Variants in DNAH6 observed in about 807,000 individuals in gnomAD.
DNAH6 encodes dynein axonemal heavy chain 6.
In DNAH6, 340 loss-of-function variants were observed where a neutral mutation model predicts 491.4. The ratio of observed to expected loss-of-function variants is 0.69; its 90% CI spans 0.63 to 0.76. DNAH6 has a LOEUF of 0.76. Among genes scored for constraint, DNAH6 ranks in the 30% least tolerant of loss-of-function variants. The probability of loss-of-function intolerance (pLI) is 0.00; values close to 1 mark genes in which losing one functional copy is unlikely to be tolerated. For missense variants in DNAH6, 4,443 were observed against 4,972.2 expected, an observed-to-expected ratio of 0.89 and a Z score of 3.20; for synonymous variants, 1,603 against 1,686.1, an observed-to-expected ratio of 0.95 and a Z score of 1.21.
At chr2:84,688,633 T>A in intron 45 of DNAH6, 40 bp downstream of exon 45, 1 of 1,461,598 alleles carries the variant, frequency 6.8e-7, no homozygotes, top group Non-Finnish European at 9.1e-7. Context: ...ATTGATTTAA[T>A]ATTTTTTGTA....
At chr2:84,480,254 T>A in the DNAH6 span, among the ~76,000 whole-genome samples, 1 of 152,228 alleles carries the variant, frequency 6.6e-6, no homozygotes, top group African/African-American at 2.4e-5. Flanking sequence ...AAAGAAAGAA[T>A]AATCAGTAGG....
chr2:84,528,259 T>G (rs998470554), intron 3 of DNAH6, among the ~76,000 whole-genome samples: 3 of 152,170 alleles, frequency 2.0e-5, no homozygotes, highest in Non-Finnish European at 2.9e-5. Flanking sequence ...AATCTCAGGT[T>G]CCACCCTAGC....
intron 54 of DNAH6, 93 bp downstream of exon 54, chr2:84,707,809 C>A: frequency 2.2e-6 from 2 of 914,708 alleles, no homozygotes; most frequent in South Asian, 1.7e-5. Flanking sequence ...TGGAGGCTCT[C>A]CACTGTAGAG....
intron 43 of DNAH6, 109 bp downstream of exon 43, chr2:84,685,581 G>A (rs970631656): frequency 5.3e-6 from 3 of 568,608 alleles, no homozygotes; most frequent in Admixed American, 3.9e-5. Context: ...ATGAGTAAAA[G>A]TTATTTTCTT....
At chr2:84,709,611 A>G in intron 55 of DNAH6, 65 bp downstream of exon 55, 1 of 1,515,818 alleles carries the variant, frequency 6.6e-7, no homozygotes, top group Non-Finnish European at 8.9e-7. Context: ...GCTATTAAAA[A>G]TTATAAAAGT....
chr2:84,801,526 A>G (rs1372868981), intron 70 of DNAH6, among the ~76,000 whole-genome samples: 1 of 152,146 alleles, frequency 6.6e-6, no homozygotes, highest in Non-Finnish European at 1.5e-5. Flanking sequence ...GTAAGAGCAG[A>G]CTCTCAGCAG....
the DNAH6 span, among the ~76,000 whole-genome samples, chr2:84,481,567 A>G: frequency 6.6e-6 from 1 of 152,100 alleles, no homozygotes; most frequent in Admixed American, 6.5e-5. Flanking sequence ...AGATCACCTA[A>G]TTTCTCTGAG....
At chr2:84,618,331 C>T (rs1358291178) in intron 23 of DNAH6, among the ~76,000 whole-genome samples, 1 of 152,106 alleles carries the variant, frequency 6.6e-6, no homozygotes, top group Non-Finnish European at 1.5e-5. Context: ...AAAATCCCAC[C>T]AGCTTCAGTC....
chr2:84,643,571 TCTTTA>T (rs1408216388), intron 33 of DNAH6, among the ~76,000 whole-genome samples: 1 of 152,176 alleles, frequency 6.6e-6, no homozygotes, highest in African/African-American at 2.4e-5. Context: ...GTCTTTATTC[TCTTTA>T]CTTTTCAGTT....
rs1036980751 is a variant in DNAH6 at position 84,679,502 on chromosome 2, G to T, written c.6745-1855G>T. On this transcript the variant is annotated intron_variant, in intron 41 of 76. Coordinates refer to ENST00000389394, the MANE Select transcript of DNAH6 (RefSeq NM_001370.2). The stretch of plus-strand genomic sequence containing the variant: ...AAATTTCTAGTTAGAAAGCTATAAC[G>T]CAGTAACTGAAAACCGTGATCAGCT... Among the ~76,000 whole-genome samples the T allele has an allele frequency of 3.3e-5, 5 of 152,254 alleles. No homozygotes were observed. In the South Asian group the frequency reaches 1.0e-3, roughly 32 times the overall value.
At chr2:84,738,986 C>T (rs1303862905) in intron 62 of DNAH6, among the ~76,000 whole-genome samples, 2 of 152,062 alleles carry the variant, frequency 1.3e-5, no homozygotes, top group Non-Finnish European at 2.9e-5. Context: ...CTTTTGTTTC[C>T]ACATTGAGAA....
intron 63 of DNAH6, among the ~76,000 whole-genome samples, chr2:84,747,483 G>A (rs1040986055): frequency 6.6e-6 from 1 of 152,180 alleles, no homozygotes. Context: ...TGAGCATACC[G>A]GTGCAAAGTG....
intron 29 of DNAH6, among the ~76,000 whole-genome samples, chr2:84,629,797 A>C (rs2104444836): frequency 1.3e-5 from 2 of 152,238 alleles, no homozygotes; most frequent in East Asian, 3.9e-4. Context: ...AAATGCATAA[A>C]ATGAGCCTGC....
intron 60 of DNAH6, among the ~76,000 whole-genome samples, chr2:84,725,124 A>G (rs895004430): frequency 2.0e-5 from 3 of 152,232 alleles, no homozygotes; most frequent in Non-Finnish European, 4.4e-5. Flanking sequence ...TTAGCACCAC[A>G]TAATGCTCGA....
chr2:84,510,791 C>A, the DNAH6 span, among the ~76,000 whole-genome samples: 2 of 152,176 alleles, frequency 1.3e-5, no homozygotes, highest in African/African-American at 4.8e-5. Context: ...TTCCTTCTAA[C>A]AGTCAGGACC....
rs924508622 is a variant in DNAH6 at position 84,604,335 on chromosome 2, T to C, written c.2869-4T>C. ...TCATGTCTCTGAGAGTGTTTGTTTT[T>C]CAGCTTCCAGTTATCATTGACTTGA... On this transcript the variant is annotated splice_region_variant and splice_polypyrimidine_tract_variant and intron_variant, in intron 18 of 76. Coordinates refer to ENST00000389394, the MANE Select transcript of DNAH6 (RefSeq NM_001370.2). 6.4e-7 allele frequency: 1 copy of C among 1,551,052 alleles called. No individual in the cohort carries two copies. The highest frequency in any genetic ancestry group is 8.7e-7 in the Non-Finnish European group (1 of 1,146,122).
the DNAH6 span, among the ~76,000 whole-genome samples, chr2:84,500,155 A>G: frequency 1.3e-5 from 2 of 152,182 alleles, no homozygotes; most frequent in African/African-American, 4.8e-5. Flanking sequence ...TAGCAGTTTC[A>G]TAGTCTGAAG....
intron 26 of DNAH6, among the ~76,000 whole-genome samples, chr2:84,622,568 G>A (rs1687498989): frequency 2.0e-5 from 3 of 152,106 alleles, no homozygotes; most frequent in South Asian, 2.1e-4. Flanking sequence ...CTCTTTATCC[G>A]TTCATCCATT....
chr2:84,807,164 C>A (rs1348808133), intron 71 of DNAH6, among the ~76,000 whole-genome samples: 3 of 151,920 alleles, frequency 2.0e-5, no homozygotes, highest in African/African-American at 7.3e-5. Context: ...TTGAAATAGC[C>A]CTGAGAGGAA....
Sources: gnomAD v4.1 joint callset for allele counts (sites outside exome capture counted in the v4.1 genomes callset) on GRCh38, gnomAD v4.1.1 for gene constraint, MANE v1.5 for transcripts, NCBI Gene and HGNC (gene_info 2026-07-23, HGNC 2026-07-21) for gene names.